The following NR2F1-AS1 variants were observed in gnomAD, a reference collection of about 807,000 sequenced individuals.
NR2F1-AS1 encodes NR2F1 regulatory antisense RNA 1.
intron 4 of NR2F1-AS1, among the ~76,000 whole-genome samples, chr5:93,538,236 G>A (rs1751877935): frequency 6.6e-6 from 1 of 152,184 alleles, no homozygotes; most frequent in African/African-American, 2.4e-5. Flanking sequence ...ACTTTAGAAG[G>A]TTGAGGCAGG....
chr5:93,539,101 A>G (rs927665090), intron 4 of NR2F1-AS1, among the ~76,000 whole-genome samples: 28 of 152,314 alleles, frequency 1.8e-4, no homozygotes, highest in Admixed American at 5.2e-4. Flanking sequence ...CAACATGGCG[A>G]AACCCATCTC....
At chr5:93,520,987 A>G (rs1751489254) in intron 4 of NR2F1-AS1, among the ~76,000 whole-genome samples, 1 of 152,204 alleles carries the variant, frequency 6.6e-6, no homozygotes, top group Non-Finnish European at 1.5e-5. Flanking sequence ...AGTCAATGGT[A>G]TACAAAACAA....
chr5:93,548,445 A>G (rs529517033), intron 4 of NR2F1-AS1, among the ~76,000 whole-genome samples: 1 of 152,338 alleles, frequency 6.6e-6, no homozygotes, highest in Non-Finnish European at 1.5e-5. Context: ...ATGTCCAGCT[A>G]TGTCAAAACG....
intron 4 of NR2F1-AS1, among the ~76,000 whole-genome samples, chr5:93,413,597 G>C (rs934780766): frequency 2.0e-5 from 3 of 152,160 alleles, no homozygotes; most frequent in Admixed American, 2.0e-4. Flanking sequence ...CCAGGGCCCA[G>C]GTAGGCTAAG....
intron 4 of NR2F1-AS1, among the ~76,000 whole-genome samples, chr5:93,509,583 A>C (rs1751254655): frequency 6.6e-6 from 1 of 152,072 alleles, no homozygotes; most frequent in South Asian, 2.1e-4. Flanking sequence ...CTGGAGAAGT[A>C]AAATGAGACA....
intron 4 of NR2F1-AS1, among the ~76,000 whole-genome samples, chr5:93,503,665 A>C (rs746143625): frequency 6.6e-6 from 1 of 152,188 alleles, no homozygotes; most frequent in Non-Finnish European, 1.5e-5. Flanking sequence ...TGCCAGGCAG[A>C]GGATGCCTAG....
chr5:93,450,461 T>C (rs2149857180), intron 4 of NR2F1-AS1, among the ~76,000 whole-genome samples: 1 of 152,238 alleles, frequency 6.6e-6, no homozygotes, highest in Middle Eastern at 3.4e-3. Context: ...GGTAATTTGG[T>C]TTAAACTGAC....
At chr5:93,566,245 T>TA (rs1192281206) in intron 1 of NR2F1-AS1, among the ~76,000 whole-genome samples, 2 of 152,024 alleles carry the variant, frequency 1.3e-5, no homozygotes, top group Non-Finnish European at 2.9e-5. Context: ...ATGATGTAGA[T>TA]ATATAATGGA....
chr5:93,417,989 TTTTTC>T (rs1156593680), intron 4 of NR2F1-AS1, among the ~76,000 whole-genome samples: 2 of 152,126 alleles, frequency 1.3e-5, no homozygotes, highest in African/African-American at 2.4e-5. Context: ...GCATCATGCT[TTTTTC>T]TTTTCTTTTC....
chr5:93,483,420 T>C (rs1347778907), intron 4 of NR2F1-AS1, among the ~76,000 whole-genome samples: 1 of 151,900 alleles, frequency 6.6e-6, no homozygotes, highest in Non-Finnish European at 1.5e-5. Flanking sequence ...AAAAAGGATG[T>C]CCACACAGAA....
chr5:93,452,379 CCCCAGCTTATCA>C (rs1416757005), intron 4 of NR2F1-AS1, among the ~76,000 whole-genome samples: 2 of 152,172 alleles, frequency 1.3e-5, no homozygotes, highest in African/African-American at 2.4e-5. Flanking sequence ...CCTCTGATTG[CCCCAGCTTATCA>C]CCCAGAAGCA....
At chr5:93,431,785 C>G (rs1749331223) in intron 4 of NR2F1-AS1, among the ~76,000 whole-genome samples, 1 of 152,150 alleles carries the variant, frequency 6.6e-6, no homozygotes, top group South Asian at 2.1e-4. Context: ...TACCAGTGCT[C>G]TTCACTTACT....
chr5:93,469,022 A>G (rs1416318401), intron 4 of NR2F1-AS1, among the ~76,000 whole-genome samples: 3 of 152,084 alleles, frequency 2.0e-5, no homozygotes, highest in African/African-American at 7.2e-5. Context: ...CCAACAGATA[A>G]TTCTTTAACC....
At chr5:93,569,113 C>T (rs59360932) in intron 1 of NR2F1-AS1, among the ~76,000 whole-genome samples, 15,501 of 152,060 alleles carry the variant, frequency 0.1, 866 homozygotes, top group Middle Eastern at 0.16. Context: ...TACACACGCA[C>T]CCACACACCT....
chr5:93,490,785 A>G (rs1335754700), intron 4 of NR2F1-AS1, among the ~76,000 whole-genome samples: 1 of 125,458 alleles, frequency 8.0e-6, no homozygotes, highest in Non-Finnish European at 1.7e-5. Context: ...TGGTGGTGGT[A>G]GTCCTGGTAA....
At chr5:93,578,585 G>C (rs1335557328) in intron 1 of NR2F1-AS1, among the ~76,000 whole-genome samples, 1 of 152,178 alleles carries the variant, frequency 6.6e-6, no homozygotes, top group Non-Finnish European at 1.5e-5. Flanking sequence ...TGGAGGCCTC[G>C]GGTAGGATGC....
intron 4 of NR2F1-AS1, among the ~76,000 whole-genome samples, chr5:93,475,923 C>T (rs1469293475): frequency 2.6e-5 from 4 of 152,172 alleles, no homozygotes; most frequent in Non-Finnish European, 4.4e-5. Context: ...CTACTAAAAT[C>T]ACATTAGTTC....
At chr5:93,529,817 A>G (rs760246558) in intron 4 of NR2F1-AS1, among the ~76,000 whole-genome samples, 2 of 152,182 alleles carry the variant, frequency 1.3e-5, no homozygotes, top group Non-Finnish European at 2.9e-5. Flanking sequence ...ACAACTTTTT[A>G]CACTTAGCAA....
chr5:93,557,962 C>CT (rs1471930484), intron 2 of NR2F1-AS1, among the ~76,000 whole-genome samples: 4 of 152,072 alleles, frequency 2.6e-5, no homozygotes, highest in African/African-American at 4.8e-5. Context: ...CAAGAAACCA[C>CT]TTTTTTTTCC....
Sources: allele counts gnomAD v4.1 joint callset (sites outside exome capture counted in the v4.1 genomes callset), GRCh38; gene constraint gnomAD v4.1.1; transcripts MANE v1.5; gene names NCBI Gene and HGNC (gene_info 2026-07-23, HGNC 2026-07-21).